LMO7: variants seen among roughly 807,000 people sequenced by gnomAD.
The protein encoded by LMO7 is LIM domain 7.
Under a neutral mutation model 206.5 loss-of-function variants are expected in LMO7, and 120 were observed. The observed-to-expected ratio is 0.58, with a 90% CI of 0.50 to 0.68. The LOEUF is 0.68. Ranked by LOEUF, LMO7 falls within the 30% of genes least tolerant of loss-of-function variation. The pLI is 0.00. For synonymous variants in LMO7, 706 were observed against 681.5 expected (o/e 1.04, Z -0.56); for missense variants, 1,959 against 1,957.9 (o/e 1.00, Z -0.01).
intron 1 of LMO7, among the ~76,000 whole-genome samples, chr13:75,696,934 C>T (rs561764975): frequency 2.6e-5 from 4 of 152,102 alleles, no homozygotes; most frequent in African/African-American, 9.7e-5. Context: ...GCACGTCGAA[C>T]GTTGCCAGAC....
intron 27 of LMO7, among the ~76,000 whole-genome samples, chr13:75,851,840 G>T (rs1443529810): frequency 6.6e-6 from 1 of 152,114 alleles, no homozygotes; most frequent in Non-Finnish European, 1.5e-5. Flanking sequence ...TAGGGATTCA[G>T]GTGCTACATA....
intron 1 of LMO7, among the ~76,000 whole-genome samples, chr13:75,709,833 T>C (rs928862209): frequency 1.8e-4 from 24 of 131,074 alleles, no homozygotes; most frequent in African/African-American, 6.4e-4. Context: ...TTGGCTTTTG[T>C]TGCCATTGCT....
At chr13:75,823,515 GAAAT>G (rs754875595) in intron 14 of LMO7, 46 bp from the exon 15 acceptor site, 38 of 1,369,914 alleles carry the variant, frequency 2.8e-5, no homozygotes, top group African/African-American at 4.4e-5. Flanking sequence ...TTTAAAAACA[GAAAT>G]AAAGGTAACA....
chr13:75,745,193 G>C (rs909517026), intron 3 of LMO7, among the ~76,000 whole-genome samples: 5 of 152,102 alleles, frequency 3.3e-5, no homozygotes, highest in African/African-American at 1.2e-4. Flanking sequence ...AGCAAGGAGA[G>C]TCCTGAGGGT....
rs1165026482 is a variant in LMO7, at chr13:75,654,873, TC to T, written c.69+18148del. ...TACAACTACTTTTTCTTTTCTCTTC[TC>T]TCTTTTTTTTTTTTTGACAAAATCT... On this transcript the variant is annotated intron_variant, in intron 1 of 30. Transcript: ENST00000377534. 2.4e-3 allele frequency among the ~76,000 whole-genome samples: 261 copies of T among 107,760 alleles called. 2 individuals carry two copies. The highest frequency in any genetic ancestry group is 8.0e-3 in the African/African-American group (248 of 31,118). 70.7% of individuals were successfully genotyped at this position (107,760 alleles called of 152,430 possible).
chr13:75,848,716 A>G (rs1410850355), intron 26 of LMO7, among the ~76,000 whole-genome samples: 1 of 152,172 alleles, frequency 6.6e-6, no homozygotes, highest in Non-Finnish European at 1.5e-5. Context: ...TGCTATAAAC[A>G]TGGGTGAGCA....
intron 3 of LMO7, among the ~76,000 whole-genome samples, chr13:75,733,657 C>T (rs2045509653): frequency 6.6e-6 from 1 of 151,792 alleles, no homozygotes; most frequent in African/African-American, 2.4e-5. Context: ...CTGTCTGGCA[C>T]TCCCTAGTGA....
intron 1 of LMO7, among the ~76,000 whole-genome samples, chr13:75,668,158 A>G (rs2039238692): frequency 6.6e-6 from 1 of 152,214 alleles, no homozygotes; most frequent in Non-Finnish European, 1.5e-5. Flanking sequence ...CAGTGAGCCA[A>G]GATTGCGCCA....
intron 4 of LMO7, among the ~76,000 whole-genome samples, chr13:75,771,751 G>A (rs1474380447): frequency 5.9e-5 from 9 of 151,910 alleles, no homozygotes. Flanking sequence ...ATATTATTTT[G>A]TTGTAATTTA....
Position 75,805,847 on chromosome 13 carries a change from G to C in LMO7, c.1196+87G>C, listed in dbSNP as rs868200082. On this transcript the variant is annotated intron_variant, in intron 9 of 30. Transcript: ENST00000377534. ...ATGTGCATGTTTTTTATAATAATAA[G>C]AGAGACAGAGAAAGTCTAATTAGTT... 92 of 1,348,748 alleles carry C rather than the reference G, an allele frequency of 6.8e-5. No homozygotes were observed. In the Middle Eastern group the frequency reaches 1.6e-3, roughly 24 times the overall value. The allele number at this position is 1,348,748 out of a possible 1,614,324, so 83.5% of individuals were successfully genotyped here. A position where few individuals can be genotyped will look rare whatever the true frequency, so the allele number is the denominator to read the frequency against.
chr13:75,822,686 G>A (rs2057694512), intron 14 of LMO7, among the ~76,000 whole-genome samples: 1 of 148,954 alleles, frequency 6.7e-6, no homozygotes, highest in Non-Finnish European at 1.5e-5. Context: ...AATATCTAGT[G>A]TTGGCAAGGA....
intron 2 of LMO7, among the ~76,000 whole-genome samples, chr13:75,723,340 A>G (rs967252801): frequency 6.8e-6 from 1 of 146,664 alleles, no homozygotes; most frequent in Non-Finnish European, 1.5e-5. Context: ...AAGATATTAG[A>G]AATATTCATG....
At chr13:75,759,007 C>T (rs1412848638) in intron 3 of LMO7, among the ~76,000 whole-genome samples, 1 of 152,128 alleles carries the variant, frequency 6.6e-6, no homozygotes, top group Non-Finnish European at 1.5e-5. Context: ...ACTCACAGAT[C>T]TGCATGGCTG....
intron 13 of LMO7, 23 bp downstream of exon 13, chr13:75,819,558 G>T: frequency 6.5e-7 from 1 of 1,548,158 alleles, no homozygotes; most frequent in South Asian, 1.3e-5. Context: ...AATGCACCTC[G>T]GTTGTAACAG....
intron 7 of LMO7, among the ~76,000 whole-genome samples, chr13:75,801,459 T>G (rs985233518): frequency 4.6e-5 from 7 of 152,202 alleles, no homozygotes; most frequent in South Asian, 4.1e-4. Flanking sequence ...CCTCTTTTGG[T>G]CCTTTCAGAG....
chr13:75,796,806 C>A, intron 6 of LMO7, 57 bp downstream of exon 6: 2 of 1,039,698 alleles, frequency 1.9e-6, no homozygotes, highest in African/African-American at 1.6e-5. Context: ...ACTGCTTTCC[C>A]TTCCTCCTCT....
At chr13:75,794,156 A>G (rs1048412451) in intron 4 of LMO7, among the ~76,000 whole-genome samples, 1 of 152,234 alleles carries the variant, frequency 6.6e-6, no homozygotes, top group African/African-American at 2.4e-5. Flanking sequence ...ATAAGCGTTT[A>G]TGTTGGATGT....
chr13:75,749,164 T>C (rs890397349), intron 3 of LMO7, among the ~76,000 whole-genome samples: 10 of 152,190 alleles, frequency 6.6e-5, no homozygotes, highest in African/African-American at 9.7e-5. Context: ...TCATTATCTA[T>C]ATAAGTGATG....
intron 3 of LMO7, among the ~76,000 whole-genome samples, chr13:75,735,618 C>A (rs1323098451): frequency 1.3e-5 from 2 of 151,128 alleles, no homozygotes; most frequent in African/African-American, 2.4e-5. Context: ...CGCGGCACCA[C>A]ACGCAGCTAA....
Sources: allele counts gnomAD v4.1 joint callset (sites outside exome capture counted in the v4.1 genomes callset), GRCh38; gene constraint gnomAD v4.1.1; transcripts MANE v1.5; gene names NCBI Gene and HGNC (gene_info 2026-07-23, HGNC 2026-07-21).